STX8: variants seen among roughly 807,000 people sequenced by gnomAD.
STX8 encodes the protein syntaxin 8, also known as syntaxin-8.
Under a neutral mutation model 37.5 loss-of-function variants are expected in STX8, and 23 were observed. The ratio of observed to expected loss-of-function variants is 0.61; its 90% CI spans 0.44 to 0.87. The LOEUF (loss-of-function observed/expected upper bound fraction) is 0.87, where lower values mean the gene tolerates loss of function less well. Ranked by LOEUF, STX8 falls within the 40% of genes least tolerant of loss-of-function variation. The pLI is 0.00. For synonymous variants in STX8, 115 were observed against 99.1 expected (o/e 1.16, Z -0.95); for missense variants, 313 against 284.7 (o/e 1.10, Z -0.71).
intron 7 of STX8, among the ~76,000 whole-genome samples, chr17:9,254,686 G>A (rs1004648972): frequency 2.6e-5 from 4 of 152,046 alleles, no homozygotes; most frequent in East Asian, 1.9e-4. Flanking sequence ...GTGAGCCACC[G>A]CGCCCGGCCT....
intron 7 of STX8, chr17:9,305,679 T>A (rs1908956756): frequency 6.6e-6 from 1 of 151,640 alleles, no homozygotes; most frequent in Non-Finnish European, 1.5e-5. Context: ...GGACAGCATA[T>A]ATCATGGTGG....
At chr17:9,566,243 A>G (rs1907454853) in intron 2 of STX8, among the ~76,000 whole-genome samples, 2 of 152,230 alleles carry the variant, frequency 1.3e-5, no homozygotes, top group African/African-American at 4.8e-5. Context: ...GCAAATCGAA[A>G]CCACAATGAG....
chr17:9,479,727 T>C (rs1479320057), intron 6 of STX8, among the ~76,000 whole-genome samples: 2 of 151,854 alleles, frequency 1.3e-5, no homozygotes, highest in East Asian at 1.9e-4. Flanking sequence ...GCAAATTAAG[T>C]AATTTTACAT....
intron 4 of STX8, among the ~76,000 whole-genome samples, chr17:9,528,368 G>A (rs936266485): frequency 2.0e-5 from 3 of 152,204 alleles, no homozygotes; most frequent in Non-Finnish European, 4.4e-5. Context: ...CGCAATCTTG[G>A]CTCACAGCAA....
At chr17:9,346,051 C>T (rs1910525272) in intron 7 of STX8, among the ~76,000 whole-genome samples, 1 of 151,756 alleles carries the variant, frequency 6.6e-6, no homozygotes, top group South Asian at 2.1e-4. Flanking sequence ...GGGGTTTCAC[C>T]ATGTTGGCCA....
chr17:9,292,381 C>G (rs758580801), intron 7 of STX8, among the ~76,000 whole-genome samples: 8 of 152,224 alleles, frequency 5.3e-5, no homozygotes, highest in Non-Finnish European at 1.2e-4. Flanking sequence ...GGGAGAGTGA[C>G]AGGCATACAG....
intron 6 of STX8, among the ~76,000 whole-genome samples, chr17:9,475,873 T>C (rs988458791): frequency 1.3e-5 from 2 of 152,144 alleles, no homozygotes; most frequent in African/African-American, 2.4e-5. Context: ...GAAAGAAGCC[T>C]TTCGGGTAAA....
chr17:9,362,843 A>T lies in STX8; in HGVS notation c.643+15709T>A, dbSNP rs538922616. ...GACTCCGTCTCAAAAAAAAAAAAAA[A>T]TAAATAAATAAATAAATAAATAATC... is the stretch of plus-strand genomic sequence containing the variant. On this transcript the variant is annotated intron_variant, in intron 7 of 7. Transcript: ENST00000306357. Among the ~76,000 whole-genome samples, 295 of 142,010 alleles carry T rather than the reference A, an allele frequency of 2.1e-3. 2 individuals are homozygous for T. The highest frequency in any genetic ancestry group is 8.6e-3 in the South Asian group (40 of 4,668). 93.2% of individuals were successfully genotyped at this position (142,010 alleles called of 152,430 possible).
intron 6 of STX8, among the ~76,000 whole-genome samples, chr17:9,384,946 C>CAA (rs534621496): frequency 2.3e-4 from 17 of 74,100 alleles, no homozygotes; most frequent in African/African-American, 6.6e-4. Context: ...CTCTCCATAC[C>CAA]AAAAAAAAAA....
intron 4 of STX8, among the ~76,000 whole-genome samples, chr17:9,529,316 T>C (rs1905715631): frequency 1.3e-5 from 2 of 152,186 alleles, no homozygotes; most frequent in Admixed American, 6.5e-5. Context: ...TGTATGCATA[T>C]GCATGCAAAT....
At chr17:9,257,788 G>C (rs1257133014) in intron 7 of STX8, among the ~76,000 whole-genome samples, 2 of 152,198 alleles carry the variant, frequency 1.3e-5, no homozygotes, top group African/African-American at 4.8e-5. Flanking sequence ...AGGAGATTGA[G>C]ACCAGCCTGG....
chr17:9,550,206 A>C (rs994519621), intron 3 of STX8, among the ~76,000 whole-genome samples: 5 of 151,546 alleles, frequency 3.3e-5, no homozygotes, highest in Non-Finnish European at 7.4e-5. Context: ...CCTGGGCAAC[A>C]AAGTGAGACT....
intron 1 of STX8, among the ~76,000 whole-genome samples, chr17:9,574,965 T>G (rs1907842462): frequency 6.6e-6 from 1 of 152,222 alleles, no homozygotes; most frequent in African/African-American, 2.4e-5. Context: ...CTTAAACAAT[T>G]ATAAACTATA....
intron 2 of STX8, among the ~76,000 whole-genome samples, chr17:9,559,749 TA>T (rs1907135573): frequency 2.1e-5 from 1 of 47,658 alleles, no homozygotes; most frequent in African/African-American, 8.9e-5. Context: ...TATATATATA[TA>T]TATATATATA....
intron 6 of STX8, among the ~76,000 whole-genome samples, chr17:9,435,596 G>A (rs959341085): frequency 2.0e-5 from 3 of 152,076 alleles, no homozygotes; most frequent in African/African-American, 7.2e-5. Flanking sequence ...AACCATAATA[G>A]GTAAATAGAA....
chr17:9,545,315 T>C (rs1906459259), intron 3 of STX8, 33 bp from the exon 4 acceptor site: 1 of 1,474,072 alleles, frequency 6.8e-7, no homozygotes, highest in Admixed American at 1.8e-5. Flanking sequence ...CAATGGTGAA[T>C]AAATGACCTC....
rs573147945 is a variant in STX8, at chr17:9,507,390, C to T, written c.324-2228G>A. The stretch of plus-strand genomic sequence containing the variant: ...GCCGAGCAGCCTTGTGTTCATATCC[C>T]GGGTCTGAGAAGCAACTCCTCAGGC... On this transcript the variant is annotated intron_variant, in intron 4 of 7. Coordinates refer to ENST00000306357, the MANE Select transcript of STX8 (RefSeq NM_004853.3). This position sits in a 1 kb window ranked among gnomAD's most constrained non-coding sequence, Gnocchi z 4.0. Among the ~76,000 whole-genome samples, 21 of 151,770 alleles carry T rather than the reference C, an allele frequency of 1.4e-4. No individual in the cohort carries two copies. Among genetic ancestry groups the T allele is most frequent in the Admixed American group, 4.6e-4 (7 of 15,272 alleles).
chr17:9,574,897 C>T (rs1178908743), intron 1 of STX8, among the ~76,000 whole-genome samples: 1 of 152,188 alleles, frequency 6.6e-6, no homozygotes, highest in Non-Finnish European at 1.5e-5. Flanking sequence ...AACCTAGATT[C>T]CAGGTAACTC....
intron 5 of STX8, among the ~76,000 whole-genome samples, chr17:9,493,147 C>T (rs1906928699): frequency 6.6e-6 from 1 of 151,492 alleles, no homozygotes; most frequent in Admixed American, 6.6e-5. Context: ...CCTGTAGTGT[C>T]AGCTACTTGG....
Sources: allele counts gnomAD v4.1 joint callset (sites outside exome capture counted in the v4.1 genomes callset), GRCh38; gene constraint gnomAD v4.1.1; non-coding constraint Gnocchi (gnomAD v3.1); transcripts MANE v1.5; gene names NCBI Gene and HGNC (gene_info 2026-07-23, HGNC 2026-07-21).